Variants in PSIP1 observed in about 807,000 individuals in gnomAD.
The protein encoded by PSIP1 is PC4 and SFRS1-interacting protein.
In PSIP1, 19 loss-of-function variants were observed where a neutral mutation model predicts 74.7. The ratio of observed to expected loss-of-function variants is 0.25; its 90% confidence interval spans 0.18 to 0.37. The LOEUF (loss-of-function observed/expected upper bound fraction) is 0.37. PSIP1 is among the 10% of genes least tolerant of loss of function. The probability of loss-of-function intolerance (pLI) is 1.00; values close to 1 mark genes in which losing one functional copy is unlikely to be tolerated. For missense variants in PSIP1, 601 were observed against 614.3 expected (o/e 0.98, Z 0.23); for synonymous variants, 222 against 195.3 (o/e 1.14, Z -1.14).
At chr9:15,469,192 T>A in intron 12 of PSIP1, 74 bp downstream of exon 12, 1 of 1,328,192 alleles carries the variant, frequency 7.5e-7, no homozygotes, top group Non-Finnish European at 1.0e-6. Context: ...TACATACTCA[T>A]AAGATCATGT....
Position 15,465,352 on chromosome 9 carries a change from AC to A in PSIP1, c.*167del. On this transcript the variant is annotated 3_prime_UTR_variant, in exon 16 of 16. Coordinates refer to ENST00000380733, the MANE Select transcript of PSIP1 (RefSeq NM_033222.5). ...GTAGCTGTTAATACTGCACAAGTAC[AC>A]TTAGCGATAATGTTTACTTTACTTT... The A allele has an allele frequency of 1.7e-6, 1 of 598,332 alleles. No individual in the cohort carries two copies. The highest frequency in any genetic ancestry group is 3.5e-5 in the Admixed American group (1 of 28,256). 37.1% of individuals were successfully genotyped at this position (598,332 alleles called of 1,614,324 possible).
At chr9:15,497,475 T>C (rs1180069371) in intron 3 of PSIP1, among the ~76,000 whole-genome samples, 2 of 151,952 alleles carry the variant, frequency 1.3e-5, no homozygotes, top group African/African-American at 4.8e-5. Context: ...TACAGGCATG[T>C]GCAACCACGC....
chr9:15,493,053 G>C (rs1446103758), intron 3 of PSIP1, among the ~76,000 whole-genome samples: 1 of 152,196 alleles, frequency 6.6e-6, no homozygotes, highest in Non-Finnish European at 1.5e-5. Context: ...CATTGTCTTG[G>C]TGATTAGTGT....
rs943048184 is a variant in PSIP1 at position 15,510,281 on chromosome 9, C to T, written c.-93G>A. On this transcript the variant is annotated 5_prime_UTR_variant, in exon 2 of 16. Coordinates refer to ENST00000380733, the MANE Select transcript of PSIP1 (RefSeq NM_033222.5). ...CGGGCGGCGGACGCGGGCCCAGCTA[C>T]CGGGCCCGCGGGCGGGGGAGGATGC... The T allele has an allele frequency of 1.4e-5, 15 of 1,072,364 alleles. No homozygotes were observed. Among genetic ancestry groups the T allele is most frequent in the Non-Finnish European group, 1.7e-5 (13 of 770,848 alleles). The allele number at this position is 1,072,364 out of a possible 1,614,324, so 66.4% of individuals were successfully genotyped here.
intron 5 of PSIP1, among the ~76,000 whole-genome samples, chr9:15,486,279 T>A (rs1014237197): frequency 6.6e-6 from 1 of 152,224 alleles, no homozygotes; most frequent in Non-Finnish European, 1.5e-5. Flanking sequence ...AAGTCATGGT[T>A]GCTGGTACAC....
chr9:15,481,702 T>C (rs1185698435), intron 6 of PSIP1, among the ~76,000 whole-genome samples: 3 of 151,896 alleles, frequency 2.0e-5, no homozygotes, highest in East Asian at 1.9e-4. Context: ...CAAAGAATTA[T>C]AGGTAAAAGA....
At chr9:15,479,235 TATTA>T (rs1185830224) in intron 7 of PSIP1, among the ~76,000 whole-genome samples, 14 of 152,154 alleles carry the variant, frequency 9.2e-5, no homozygotes, top group African/African-American at 3.1e-4. Context: ...AAATTTAAAA[TATTA>T]ATGACTTTAA....
At chr9:15,485,781 A>C (rs1213284627) in intron 6 of PSIP1, 1 of 392,386 alleles carries the variant, frequency 2.5e-6, no homozygotes, top group African/African-American at 2.1e-5. Flanking sequence ...AAATGAATGA[A>C]AACTGGTGTA....
chr9:15,509,092 T>C (rs1305225846), intron 2 of PSIP1, among the ~76,000 whole-genome samples: 3 of 152,250 alleles, frequency 2.0e-5, no homozygotes, highest in African/African-American at 7.2e-5. Flanking sequence ...GACTCCGTTA[T>C]CTAATGGGTG....
chr9:15,500,705 A>T (rs2037302614), intron 3 of PSIP1, among the ~76,000 whole-genome samples: 1 of 152,208 alleles, frequency 6.6e-6, no homozygotes, highest in African/African-American at 2.4e-5. Flanking sequence ...GTTTTAAAAC[A>T]GCCTGTGATG....
intron 3 of PSIP1, among the ~76,000 whole-genome samples, chr9:15,493,189 G>A (rs905124236): frequency 6.6e-6 from 1 of 152,062 alleles, no homozygotes; most frequent in African/African-American, 2.4e-5. Context: ...AATTTCTTCT[G>A]CCAGATACCC....
At chr9:15,477,326 A>G (rs140836765) in intron 8 of PSIP1, among the ~76,000 whole-genome samples, 1 of 152,314 alleles carries the variant, frequency 6.6e-6, no homozygotes, top group African/African-American at 2.4e-5. Context: ...CACCTCACAT[A>G]CATATTTTTA....
intron 3 of PSIP1, among the ~76,000 whole-genome samples, chr9:15,501,866 T>TATATATATTAAA (rs1491160431): frequency 1.5e-5 from 2 of 135,654 alleles, no homozygotes; most frequent in African/African-American, 5.6e-5. Context: ...TATATATATA[T>TATATATATTAAA]AAAACGCACA....
Position 15,501,863 on chromosome 9 carries a change from AT to A in PSIP1, c.149+4697del, listed in dbSNP as rs1563897787. 1.8e-3 allele frequency among the ~76,000 whole-genome samples: 267 copies of A among 148,600 alleles called. 8 individuals are homozygous for A. The highest frequency in any genetic ancestry group is 6.3e-3 in the African/African-American group (248 of 39,668). On this transcript the variant is annotated intron_variant, in intron 3 of 15. Transcript: ENST00000380733. ...AGCATATATATATATATATATATATATATAAAACGCACACCCTCCCATATAC... is the reference window on the plus strand; with the variant it reads ...AGCATATATATATATATATATATATAATAAAACGCACACCCTCCCATATAC...
chr9:15,467,507 C>CTTT (rs932355342), intron 14 of PSIP1, among the ~76,000 whole-genome samples: 1 of 152,174 alleles, frequency 6.6e-6, no homozygotes, highest in Non-Finnish European at 1.5e-5. Flanking sequence ...TTTTAAGAGT[C>CTTT]TTTCATACAT....
rs532588236 is a variant in PSIP1, at chr9:15,475,651, G to C, written c.630-1414C>G. On this transcript the variant is annotated intron_variant, in intron 8 of 15. Coordinates refer to ENST00000380733, the MANE Select transcript of PSIP1 (RefSeq NM_033222.5). ...ATACCATGCAGCTGGTCTTTAAAAAGTGACTTTAGGGATTTATTTTAAAAA... is the reference window on the plus strand; with the variant it reads ...ATACCATGCAGCTGGTCTTTAAAAACTGACTTTAGGGATTTATTTTAAAAA... 1.1e-4 allele frequency among the ~76,000 whole-genome samples: 16 copies of C among 152,178 alleles called. No homozygotes were observed. The East Asian group carries it at 3.1e-3, about 29-fold the overall frequency.
chr9:15,510,257 G>A lies in PSIP1; in HGVS notation c.-69C>T. 2 of 1,475,134 alleles carry A rather than the reference G, an allele frequency of 1.4e-6. No homozygotes were observed. The highest frequency in any genetic ancestry group is 1.8e-6 in the Non-Finnish European group (2 of 1,081,404). The allele number at this position is 1,475,134 out of a possible 1,614,324, so 91.4% of individuals were successfully genotyped here. On this transcript the variant is annotated 5_prime_UTR_variant, in exon 2 of 16. Coordinates refer to ENST00000380733, the MANE Select transcript of PSIP1 (RefSeq NM_033222.5). Reference sequence around the variant, plus strand: ...AGGAGATGCGGCGGCGCGGGGATGCGGGCGGCGGACGCGGGCCCAGCTACC... The same window carrying A: ...AGGAGATGCGGCGGCGCGGGGATGCAGGCGGCGGACGCGGGCCCAGCTACC...
chr9:15,473,722 A>G (rs2035941935), intron 9 of PSIP1, among the ~76,000 whole-genome samples: 1 of 151,920 alleles, frequency 6.6e-6, no homozygotes, highest in African/African-American at 2.4e-5. Flanking sequence ...CCAAGATTGC[A>G]AAACCTTGTC....
chr9:15,510,857 G>A lies in PSIP1; in HGVS notation c.-182C>T. 6.6e-6 allele frequency: 1 copy of A among 152,166 alleles called. No individual in the cohort carries two copies. Among genetic ancestry groups the A allele is most frequent in the Non-Finnish European group, 1.5e-5 (1 of 68,000 alleles). The allele number at this position is 152,166 out of a possible 1,614,324, so 9.4% of individuals were successfully genotyped here. ...GCGCCGACGCTGCGGTTGCTGGCCG[G>A]TCGCCTCTACCCGCGTCCACGCAAG... On this transcript the variant is annotated 5_prime_UTR_variant, in exon 1 of 16. Coordinates refer to ENST00000380733, the MANE Select transcript of PSIP1 (RefSeq NM_033222.5).
Sources: gnomAD v4.1 joint callset for allele counts (sites outside exome capture counted in the v4.1 genomes callset) on GRCh38, gnomAD v4.1.1 for gene constraint, MANE v1.5 for transcripts, NCBI Gene and HGNC (gene_info 2026-07-23, HGNC 2026-07-21) for gene names.